Variants in SOX5 observed in about 807,000 individuals in gnomAD.
The protein encoded by SOX5 is SRY-box transcription factor 5.
In SOX5, 9 loss-of-function variants were observed where a neutral mutation model predicts 92.0. The observed-to-expected ratio is 0.10, with a 90% CI of 0.06 to 0.17. SOX5 has a LOEUF of 0.17. SOX5 is among the 10% of genes least tolerant of loss of function. SOX5 has a pLI of 1.00. For synonymous variants in SOX5, 344 were observed against 336.3 expected, an observed-to-expected ratio of 1.02 and a Z score of -0.25; for missense variants, 642 against 944.5, an observed-to-expected ratio of 0.68 and a Z score of 4.20.
chr12:23,925,891 A>G (rs949223744), intron 1 of SOX5, among the ~76,000 whole-genome samples: 5 of 152,112 alleles, frequency 3.3e-5, no homozygotes, highest in African/African-American at 1.2e-4. Flanking sequence ...GATAAATAAA[A>G]TATCTCACAA....
At chr12:24,241,116 A>G (rs1965480892) in intron 3 of SOX5, among the ~76,000 whole-genome samples, 1 of 152,142 alleles carries the variant, frequency 6.6e-6, no homozygotes, top group Non-Finnish European at 1.5e-5. Context: ...CATTCTTCTC[A>G]AGAATTTAAG....
At chr12:23,536,422 C>T (rs1940475387) in intron 14 of SOX5, 31 bp downstream of exon 14, 4 of 1,546,482 alleles carry the variant, frequency 2.6e-6, no homozygotes, top group Non-Finnish European at 3.6e-6. Context: ...GGAAGTTTGC[C>T]CCATGAGAAA....
chr12:24,504,133 A>G (rs752527621), intron 1 of SOX5, among the ~76,000 whole-genome samples: 21 of 152,146 alleles, frequency 1.4e-4, no homozygotes, highest in Non-Finnish European at 2.1e-4. Context: ...ATAATTAATA[A>G]TTACTCAAAT....
intron 1 of SOX5, among the ~76,000 whole-genome samples, chr12:23,901,744 GCCCAGTACTTAGA>G (rs2097235872): frequency 6.6e-6 from 1 of 152,112 alleles, no homozygotes; most frequent in African/African-American, 2.4e-5. Context: ...ACAGCTACTT[GCCCAGTACTTAGA>G]CCCTTTCTGA....
At chr12:23,801,801 AC>A (rs1438644558) in intron 3 of SOX5, among the ~76,000 whole-genome samples, 5 of 152,080 alleles carry the variant, frequency 3.3e-5, no homozygotes, top group Non-Finnish European at 7.4e-5. Context: ...TTTCAGTTAC[AC>A]TTTTATTGAT....
At chr12:23,942,687 G>T (rs1296989136) in intron 1 of SOX5, among the ~76,000 whole-genome samples, 4 of 144,892 alleles carry the variant, frequency 2.8e-5, no homozygotes, top group African/African-American at 7.7e-5. Flanking sequence ...TCTATGCAGT[G>T]AATTTCATTT....
intron 14 of SOX5, 86 bp from the exon 15 acceptor site, chr12:23,534,608 A>C (rs1054602130): frequency 9.4e-7 from 1 of 1,068,262 alleles, no homozygotes; most frequent in Non-Finnish European, 1.3e-6. Context: ...TTTGCTCAGC[A>C]ATGTCCAATT....
intron 9 of SOX5, among the ~76,000 whole-genome samples, chr12:23,601,827 A>G (rs915912315): frequency 2.0e-5 from 3 of 152,144 alleles, no homozygotes; most frequent in Non-Finnish European, 2.9e-5. Context: ...TTTTTAACCC[A>G]CTACATTTTA....
intron 9 of SOX5, among the ~76,000 whole-genome samples, chr12:23,584,285 C>A (rs952405531): frequency 3.3e-5 from 5 of 152,002 alleles, no homozygotes; most frequent in African/African-American, 1.2e-4. Flanking sequence ...CACTGATGAA[C>A]CTGAAACAAA....
chr12:24,505,199 G>A (rs1165466899), intron 1 of SOX5, among the ~76,000 whole-genome samples: 1 of 152,092 alleles, frequency 6.6e-6, no homozygotes, highest in African/African-American at 2.4e-5. Context: ...GGCTCAATCT[G>A]CTAAATTAGA....
At chr12:23,652,096 T>C (rs528619119) in intron 7 of SOX5, among the ~76,000 whole-genome samples, 6 of 152,128 alleles carry the variant, frequency 3.9e-5, no homozygotes, top group African/African-American at 1.2e-4. Context: ...CTTAAATCCT[T>C]CTCCTACTCT....
chr12:23,964,320 T>C (rs945140651), intron 4 of SOX5, among the ~76,000 whole-genome samples: 1 of 152,204 alleles, frequency 6.6e-6, no homozygotes, highest in Non-Finnish European at 1.5e-5. Context: ...ACTATATTAC[T>C]GTCACCATGT....
chr12:24,002,134 C>T (rs145548243), intron 4 of SOX5, among the ~76,000 whole-genome samples: 28 of 151,970 alleles, frequency 1.8e-4, no homozygotes, highest in African/African-American at 5.8e-4. Context: ...CTTCAGTTTG[C>T]ATGTTTAGAA....
intron 1 of SOX5, among the ~76,000 whole-genome samples, chr12:24,392,620 T>TTTCTTTCATC (rs1475291012): frequency 6.6e-6 from 1 of 152,120 alleles, no homozygotes; most frequent in Admixed American, 6.6e-5. Flanking sequence ...CCCTGTTTTA[T>TTTCTTTCATC]TTCTTTCATC....
chr12:24,277,550 T>C (rs909388608), intron 2 of SOX5, among the ~76,000 whole-genome samples: 2 of 64,946 alleles, frequency 3.1e-5, no homozygotes, highest in Non-Finnish European at 8.2e-5. Context: ...TGTATATAAA[T>C]TTATATTTAT....
At chr12:24,217,275 C>T (rs2139751016) in intron 3 of SOX5, among the ~76,000 whole-genome samples, 1 of 152,238 alleles carries the variant, frequency 6.6e-6, no homozygotes, top group Non-Finnish European at 1.5e-5. Flanking sequence ...GAAATAAGGA[C>T]AGTCTAATTG....
At chr12:23,537,665 A>G (rs940214827) in intron 13 of SOX5, among the ~76,000 whole-genome samples, 3 of 152,122 alleles carry the variant, frequency 2.0e-5, no homozygotes, top group Non-Finnish European at 4.4e-5. Context: ...TTTAGCTGGG[A>G]TTAAAAAAGA....
intron 1 of SOX5, among the ~76,000 whole-genome samples, chr12:24,386,864 T>A (rs145372865): frequency 2.5e-4 from 38 of 152,326 alleles, no homozygotes; most frequent in African/African-American, 6.7e-4. Context: ...TAATCAAGTA[T>A]TTGAGATATA....
intron 4 of SOX5, among the ~76,000 whole-genome samples, chr12:23,990,453 C>T (rs1454689781): frequency 1.3e-5 from 2 of 152,144 alleles, no homozygotes; most frequent in Non-Finnish European, 2.9e-5. Context: ...CTTGTCCTTC[C>T]CTACAAACAC....
Sources: allele counts gnomAD v4.1 joint callset (sites outside exome capture counted in the v4.1 genomes callset), GRCh38; gene constraint gnomAD v4.1.1; transcripts MANE v1.5; gene names NCBI Gene and HGNC (gene_info 2026-07-23, HGNC 2026-07-21).